FKTN: variants seen among roughly 807,000 people sequenced by gnomAD.
FKTN encodes fukutin.
Under a neutral mutation model 58.6 loss-of-function variants are expected in FKTN, and 47 were observed. The ratio of observed to expected loss-of-function variants is 0.80; its 90% CI spans 0.63 to 1.02. FKTN has a LOEUF of 1.02. Among genes scored for constraint, FKTN ranks in the 50% least tolerant of loss-of-function variants. The pLI, the probability that FKTN is intolerant of heterozygous loss-of-function variation, is 0.00. For missense variants in FKTN, 516 were observed against 537.3 expected (o/e 0.96, Z 0.39); for synonymous variants, 178 against 191.9 (o/e 0.93, Z 0.60).
chr9:105,563,455 A>C (rs1025245198), intron 1 of FKTN, among the ~76,000 whole-genome samples: 1 of 152,222 alleles, frequency 6.6e-6, no homozygotes, highest in Non-Finnish European at 1.5e-5. Flanking sequence ...TCCCACCCTA[A>C]TACTGTGCTT....
chr9:105,583,312 G>C (rs1843356807), intron 3 of FKTN, among the ~76,000 whole-genome samples: 1 of 152,162 alleles, frequency 6.6e-6, no homozygotes, highest in African/African-American at 2.4e-5. Flanking sequence ...GAGGTTTTGA[G>C]AGACTTACTA....
At chr9:105,565,740 C>T (rs781378689) in intron 1 of FKTN, among the ~76,000 whole-genome samples, 4 of 152,106 alleles carry the variant, frequency 2.6e-5, no homozygotes, top group Non-Finnish European at 5.9e-5. Flanking sequence ...GACAGATCAA[C>T]GAGACAGAAA....
Position 105,638,089 on chromosome 9 carries a change from C to G in FKTN, c.*2825C>G. Reference sequence around the variant, plus strand: ...TAATGTAATATTCTTTTTAAACCCTCTTATTTTATAACTAAATAAATAATC... The same window carrying G: ...TAATGTAATATTCTTTTTAAACCCTGTTATTTTATAACTAAATAAATAATC... On this transcript the variant is annotated 3_prime_UTR_variant, in exon 11 of 11. Transcript: ENST00000357998. 1.0e-6 allele frequency: 1 copy of G among 972,692 alleles called. No homozygotes were observed. The highest frequency in any genetic ancestry group is 1.2e-6 in the Non-Finnish European group (1 of 818,378). 60.3% of individuals were successfully genotyped at this position (972,692 alleles called of 1,614,324 possible).
intron 3 of FKTN, among the ~76,000 whole-genome samples, chr9:105,576,465 A>G (rs1032724288): frequency 3.3e-5 from 5 of 150,392 alleles, no homozygotes; most frequent in African/African-American, 4.9e-5. Flanking sequence ...ATGATTTCCA[A>G]TTTCATCCAT....
intron 3 of FKTN, among the ~76,000 whole-genome samples, chr9:105,589,010 A>G (rs1469391103): frequency 6.6e-6 from 1 of 152,126 alleles, no homozygotes; most frequent in Non-Finnish European, 1.5e-5. Flanking sequence ...CTGTATAGCT[A>G]CAGTTGCAGC....
intron 2 of FKTN, chr9:105,574,397 G>C (rs998121610): frequency 6.6e-6 from 1 of 152,164 alleles, no homozygotes; most frequent in African/African-American, 2.4e-5. Flanking sequence ...TGAGACCTAA[G>C]ATGAAAGAAC....
chr9:105,638,385 C>G lies in FKTN; in HGVS notation c.*3121C>G. The stretch of plus-strand genomic sequence containing the variant: ...GAATTCAGAATTCTTAGGCAACCTT[C>G]ATACCTTTATCTGGAAAATGCCTTC... On this transcript the variant is annotated 3_prime_UTR_variant, in exon 11 of 11. Transcript: ENST00000357998. 1.0e-6 allele frequency: 1 copy of G among 985,386 alleles called. No homozygotes were observed. The highest frequency in any genetic ancestry group is 1.7e-5 in the African/African-American group (1 of 57,354). 61.0% of individuals were successfully genotyped at this position (985,386 alleles called of 1,614,324 possible).
At chr9:105,614,151 T>A (rs1215327762) in intron 7 of FKTN, among the ~76,000 whole-genome samples, 1 of 152,180 alleles carries the variant, frequency 6.6e-6, no homozygotes, top group Non-Finnish European at 1.5e-5. Context: ...TTAGATTTTG[T>A]CCCACAGGTA....
In FKTN at chr9:105,596,657, G is replaced by A; in HGVS notation, c.165G>A (p.Trp55Ter). ...GAATTGGATTTGATAGCACACAGTG[G>A]GTATGTAGAATAAACAAGAAATTTC... ...GSRIGFDSTQ[W>*]RAVKKFIMLT... Residue 55 changes from tryptophan to a stop codon, truncating the protein, a stop_gained and splice_region_variant, in exon 4 of 11, where the codon TGG (tryptophan) becomes TGA (stop). Transcript: ENST00000357998. LOFTEE classifies it high-confidence loss of function. 6.3e-7 allele frequency: 1 copy of A among 1,598,392 alleles called. No homozygotes were observed. The highest frequency in any genetic ancestry group is 8.6e-7 in the Non-Finnish European group (1 of 1,166,046).
intron 1 of FKTN, among the ~76,000 whole-genome samples, chr9:105,568,188 C>T (rs996070406): frequency 5.3e-5 from 8 of 151,966 alleles, no homozygotes; most frequent in African/African-American, 9.7e-5. Context: ...CCATAAAAAC[C>T]CTAGAAGAAA....
At chr9:105,566,480 C>A (rs1839647456) in intron 1 of FKTN, among the ~76,000 whole-genome samples, 1 of 152,090 alleles carries the variant, frequency 6.6e-6, no homozygotes, top group South Asian at 2.1e-4. Flanking sequence ...CACCACCGAT[C>A]CCACCGAAAT....
At chr9:105,624,127 A>G (rs1295859073) in intron 10 of FKTN, among the ~76,000 whole-genome samples, 1 of 152,182 alleles carries the variant, frequency 6.6e-6, no homozygotes, top group East Asian at 1.9e-4. Flanking sequence ...CATTCCTAAA[A>G]AGTTATGCAA....
At chr9:105,563,550 A>AT (rs1460521802) in intron 1 of FKTN, among the ~76,000 whole-genome samples, 1 of 151,378 alleles carries the variant, frequency 6.6e-6, no homozygotes, top group Non-Finnish European at 1.5e-5. Flanking sequence ...AGCCTCACTC[A>AT]TTTGTAGCAC....
rs1427691550 is a variant in FKTN, at chr9:105,636,843, T to TA, written c.*1580dup. 4 of 1,203,088 alleles carry TA rather than the reference T, an allele frequency of 3.3e-6. No homozygotes were observed. The highest frequency in any genetic ancestry group is 4.3e-6 in the Non-Finnish European group (4 of 928,024). 74.5% of individuals were successfully genotyped at this position (1,203,088 alleles called of 1,614,324 possible). On this transcript the variant is annotated 3_prime_UTR_variant, in exon 11 of 11. Transcript: ENST00000357998. ...CGAAAACAAATTAGAGAAAGTAACT[T>TA]ACAACCACCCATTCCGGATTTGTAA...
chr9:105,620,038 G>A lies in FKTN; in HGVS notation c.1149G>A (p.Gln383=), dbSNP rs1831565349. ...ETDHMWNGGT[Q]AKTGKKFKYL... ...ATCACATGTGGAATGGAGGCACTCA[G>A]GCCAAAACAGGAAAAAAATTCAAGT... is the stretch of plus-strand genomic sequence containing the variant. Residue 383 remains glutamine (Q), a synonymous_variant, in exon 10 of 11, where the codon CAG becomes CAA. Coordinates refer to ENST00000357998, the MANE Select transcript of FKTN (RefSeq NM_001079802.2). The A allele has an allele frequency of 1.2e-6, 2 of 1,612,324 alleles. No individual in the cohort carries two copies. The highest frequency in any genetic ancestry group is 1.7e-6 in the Non-Finnish European group (2 of 1,178,952).
intron 1 of FKTN, among the ~76,000 whole-genome samples, chr9:105,564,724 G>C (rs999574077): frequency 6.6e-6 from 1 of 152,218 alleles, no homozygotes; most frequent in Non-Finnish European, 1.5e-5. Context: ...AAAGTACTTT[G>C]CAGGATATTA....
At chr9:105,583,246 A>C (rs1043156104) in intron 3 of FKTN, among the ~76,000 whole-genome samples, 1 of 152,192 alleles carries the variant, frequency 6.6e-6, no homozygotes, top group African/African-American at 2.4e-5. Flanking sequence ...CCAACATTTA[A>C]TTCTTAAAAC....
Position 105,596,638 on chromosome 9 carries a change from G to A in FKTN, c.146G>A (p.Gly49Glu). ...TCAAAATCCAAAGGAAGCCGAATTG[G>A]ATTTGATAGCACACAGTGGGTATGT... ...GLSKSKGSRI[G>E]FDSTQWRAVK... The change falls in exon 4 of 11, where the codon GGA (glycine) becomes GAA (glutamate). Residue 49 changes from glycine (G) to glutamate (E), a missense_variant. Coordinates refer to ENST00000357998, the MANE Select transcript of FKTN (RefSeq NM_001079802.2). 1 of 1,611,584 alleles carries A rather than the reference G, an allele frequency of 6.2e-7. No individual in the cohort carries two copies. The highest frequency in any genetic ancestry group is 8.5e-7 in the Non-Finnish European group (1 of 1,177,900).
intron 1 of FKTN, among the ~76,000 whole-genome samples, chr9:105,559,420 G>T (rs957043505): frequency 6.6e-6 from 1 of 152,216 alleles, no homozygotes; most frequent in Admixed American, 6.5e-5. Flanking sequence ...GGTGGCTCAC[G>T]CCTGTAATCC....
Sources: gnomAD v4.1 joint callset for allele counts (sites outside exome capture counted in the v4.1 genomes callset) on GRCh38, gnomAD v4.1.1 for gene constraint, MANE v1.5 for transcripts, NCBI Gene and HGNC (gene_info 2026-07-23, HGNC 2026-07-21) for gene names.